TAF4: variants seen among roughly 807,000 people sequenced by gnomAD.
TAF4 encodes TATA-box binding protein associated factor 4.
In TAF4, 9 loss-of-function variants were observed where a neutral mutation model predicts 90.3. That is an observed-to-expected ratio of 0.10 (90% CI 0.06 to 0.17). TAF4 has a LOEUF of 0.17. Among genes scored for constraint, TAF4 ranks in the 10% least tolerant of loss-of-function variants. The probability of loss-of-function intolerance (pLI) is 1.00; values close to 1 mark genes in which losing one functional copy is unlikely to be tolerated. For synonymous variants in TAF4, 818 were observed against 638.9 expected, an observed-to-expected ratio of 1.28 and a Z score of -4.23; for missense variants, 1,351 against 1,370.7, an observed-to-expected ratio of 0.99 and a Z score of 0.23.
At chr20:61,983,054 G>A (rs2055560351) in intron 14 of TAF4, among the ~76,000 whole-genome samples, 1 of 152,206 alleles carries the variant, frequency 6.6e-6, no homozygotes, top group African/African-American at 2.4e-5. Flanking sequence ...TGAGGCGGAG[G>A]CGGGAGAGGG....
chr20:62,057,634 C>T (rs1980706), intron 1 of TAF4, among the ~76,000 whole-genome samples: 74,409 of 98,722 alleles, frequency 0.75, 31,114 homozygotes, highest in African/African-American at 0.83. Context: ...CGGACACAGG[C>T]CTACACACCA....
rs2055681348 is a variant in TAF4, at chr20:61,999,061, C to T, written c.2835G>A (p.Lys945=). The T allele has an allele frequency of 2.5e-6, 4 of 1,614,200 alleles. No individual in the cohort carries two copies. Among genetic ancestry groups the T allele is most frequent in the Non-Finnish European group, 3.4e-6 (4 of 1,180,050 alleles). ...EQASDVRAQL[K]FFEQLDQIEK... ...CGATTTGATCAAGCTGTTCAAAAAA[C>T]TTGAGCTGTGCCCGGACGTCACTCG... Residue 945 remains lysine (K), a synonymous_variant, in exon 12 of 15, where the codon AAG becomes AAA. Transcript: ENST00000252996.
chr20:62,065,185 T>A lies in TAF4; in HGVS notation c.626A>T (p.His209Leu), dbSNP rs1221350730. 1.7e-6 allele frequency: 2 copies of A among 1,192,392 alleles called. No individual in the cohort carries two copies. The highest frequency in any genetic ancestry group is 2.8e-5 in the Admixed American group (1 of 35,734). 73.9% of individuals were successfully genotyped at this position (1,192,392 alleles called of 1,614,324 possible). ...CAGGCTGACAGCAGGTGCGGCGGCG[T>A]GGTGCGAGTTCAGCAGCGCGGCGCT... ...NGSAALLNSHHAAAPAVSLVN... is the reference protein window; with the variant it reads ...NGSAALLNSHLAAAPAVSLVN... The change falls in exon 1 of 15, where the codon CAC becomes CTC. Residue 209 changes from histidine (H) to leucine (L), a missense_variant. Around this residue, in one of 9 missense-constraint regions of TAF4, gnomAD observed 782 missense variants for 536.6 expected, o/e 1.46. Coordinates refer to ENST00000252996, the MANE Select transcript of TAF4 (RefSeq NM_003185.4).
At chr20:62,035,650 A>G (rs926198302) in intron 1 of TAF4, among the ~76,000 whole-genome samples, 2 of 152,284 alleles carry the variant, frequency 1.3e-5, no homozygotes, top group Admixed American at 6.5e-5. Context: ...CGGGTTAGAA[A>G]GGACTTCTTA....
chr20:61,989,444 G>A (rs948897720), intron 14 of TAF4, among the ~76,000 whole-genome samples: 3 of 152,230 alleles, frequency 2.0e-5, no homozygotes, highest in African/African-American at 7.2e-5. Context: ...GTGCTGATCA[G>A]AGCCCACCAA....
At chr20:62,003,482 G>A (rs1012681655) in intron 8 of TAF4, among the ~76,000 whole-genome samples, 1 of 152,210 alleles carries the variant, frequency 6.6e-6, no homozygotes, top group Non-Finnish European at 1.5e-5. Flanking sequence ...TTTCATCAAG[G>A]TTTTTAAAGT....
intron 3 of TAF4, among the ~76,000 whole-genome samples, chr20:62,011,660 G>T (rs79116408): frequency 6.6e-6 from 1 of 152,186 alleles, no homozygotes; most frequent in African/African-American, 2.4e-5. Flanking sequence ...AAGAGCCGGG[G>T]TTGCGGGGGG....
At chr20:62,028,372 A>G (rs1464784204) in intron 1 of TAF4, among the ~76,000 whole-genome samples, 2 of 152,198 alleles carry the variant, frequency 1.3e-5, no homozygotes, top group Non-Finnish European at 1.5e-5. Flanking sequence ...TTTGAAAAAC[A>G]TGGGTCAAAC....
At chr20:62,060,095 T>A (rs1045951024) in intron 1 of TAF4, among the ~76,000 whole-genome samples, 1 of 152,220 alleles carries the variant, frequency 6.6e-6, no homozygotes, top group Non-Finnish European at 1.5e-5. Flanking sequence ...CCGGCCTCCC[T>A]GTGCTGATGT....
chr20:62,050,271 C>T (rs2056019099), intron 1 of TAF4, among the ~76,000 whole-genome samples: 1 of 152,148 alleles, frequency 6.6e-6, no homozygotes. Flanking sequence ...ATCCTCCCCT[C>T]CAGGGTCCCG....
intron 1 of TAF4, among the ~76,000 whole-genome samples, chr20:62,021,667 G>A (rs1294735561): frequency 6.6e-6 from 1 of 152,214 alleles, no homozygotes; most frequent in Non-Finnish European, 1.5e-5. Context: ...AGGGCCATGT[G>A]GATACACGTT....
chr20:62,036,044 AAAG>A (rs1257858653), intron 1 of TAF4, among the ~76,000 whole-genome samples: 1 of 151,876 alleles, frequency 6.6e-6, no homozygotes, highest in African/African-American at 2.4e-5. Context: ...TAAAAAAAAA[AAAG>A]AGTTTTGCTC....
Position 62,065,148 on chromosome 20 carries a change from C to T in TAF4, c.663G>A (p.Gly221=). 1 of 1,194,636 alleles carries T rather than the reference C, an allele frequency of 8.4e-7. No individual in the cohort carries two copies. The allele number at this position is 1,194,636 out of a possible 1,614,324, so 74.0% of individuals were successfully genotyped here. A position where few individuals can be genotyped will look rare whatever the true frequency, so the allele number is the denominator to read the frequency against. Residue 221 remains glycine, a synonymous_variant, in exon 1 of 15, where the codon GGG becomes GGA. Coordinates refer to ENST00000252996, the MANE Select transcript of TAF4 (RefSeq NM_003185.4). The part of the protein sequence containing the change: ...AAPAVSLVNN[G]PAALLPLPKP... ...TGGGCAGCGGCAGCAGCGCGGCGGG[C>T]CCGTTGTTGACCAGGCTGACAGCAG...
chr20:62,063,355 T>G (rs771190509), intron 1 of TAF4, among the ~76,000 whole-genome samples: 1 of 152,218 alleles, frequency 6.6e-6, no homozygotes, highest in Non-Finnish European at 1.5e-5. Context: ...TTGCAGTTCC[T>G]ACTACTGCTG....
chr20:61,997,788 T>A (rs1212802526), intron 13 of TAF4, 119 bp from the exon 14 acceptor site: 2 of 1,302,794 alleles, frequency 1.5e-6, no homozygotes, highest in East Asian at 5.1e-5. Flanking sequence ...ACTTCTTTAA[T>A]GTTTTGACTT....
rs779054836 is a variant in TAF4 at position 62,014,634 on chromosome 20, C to G, written c.1434G>C (p.Ala478=). The G allele has an allele frequency of 6.6e-5, 107 of 1,613,990 alleles. No individual in the cohort carries two copies. The East Asian group carries it at 2.4e-3, about 36-fold the overall frequency. The change falls in exon 2 of 15, where the codon GCG becomes GCC. Residue 478 remains alanine, a synonymous_variant. Coordinates refer to ENST00000252996, the MANE Select transcript of TAF4 (RefSeq NM_003185.4). ...TGGTCTGAGGCTGGGCATGGGCCTG[C>G]GCCTGCATCTGGGCCAAGGCCTGCT... is the stretch of plus-strand genomic sequence containing the variant. ...IPQQALAQMQ[A]QAHAQPQTTM...
intron 1 of TAF4, among the ~76,000 whole-genome samples, chr20:62,053,491 ACCTTGAGAAGGTAC>A (rs2056042435): frequency 1.3e-5 from 2 of 152,206 alleles, no homozygotes; most frequent in Admixed American, 1.3e-4. Flanking sequence ...GAAGATGCCC[ACCTTGAGAAGGTAC>A]TCTGGAGAAG....
intron 14 of TAF4, among the ~76,000 whole-genome samples, chr20:61,990,826 C>G (rs779341968): frequency 2.0e-4 from 30 of 152,340 alleles, no homozygotes; most frequent in Non-Finnish European, 3.7e-4. Flanking sequence ...GACTCCCGTT[C>G]TTAACATCAC....
At chr20:62,029,606 TG>T (rs2055893428) in intron 1 of TAF4, among the ~76,000 whole-genome samples, 1 of 152,078 alleles carries the variant, frequency 6.6e-6, no homozygotes, top group Admixed American at 6.5e-5. Flanking sequence ...GCTGACAGTC[TG>T]GTAAAGAATG....
Sources: allele counts gnomAD v4.1 joint callset (sites outside exome capture counted in the v4.1 genomes callset), GRCh38; gene constraint gnomAD v4.1.1; regional missense constraint gnomAD v4.1.1; transcripts MANE v1.5; gene names NCBI Gene and HGNC (gene_info 2026-07-23, HGNC 2026-07-21).